The following PTPRD variants were observed in gnomAD, a reference collection of about 807,000 sequenced individuals.
PTPRD encodes protein tyrosine phosphatase receptor type D, also known as receptor-type tyrosine-protein phosphatase delta.
A neutral mutation model predicts 214.5 loss-of-function variants in PTPRD; 34 were observed. The observed-to-expected ratio is 0.16, with a 90% CI of 0.12 to 0.21. The LOEUF is 0.21. Among genes scored for constraint, PTPRD ranks in the 10% least tolerant of loss-of-function variants. The pLI, the probability that PTPRD is intolerant of heterozygous loss-of-function variation, is 1.00. For synonymous variants in PTPRD, 1,128 were observed against 845.7 expected (o/e 1.33, Z -5.79); for missense variants, 2,545 against 2,398.7 (o/e 1.06, Z -1.27).
chr9:10,594,594 G>C (rs1352737874), intron 2 of PTPRD, among the ~76,000 whole-genome samples: 1 of 152,018 alleles, frequency 6.6e-6, no homozygotes, highest in Non-Finnish European at 1.5e-5. Flanking sequence ...TGTTGTTGGA[G>C]TTTAATGGCT....
chr9:10,340,609 A>C (rs1345533030), intron 3 of PTPRD, among the ~76,000 whole-genome samples: 2 of 151,922 alleles, frequency 1.3e-5, no homozygotes, highest in African/African-American at 4.8e-5. Flanking sequence ...CTAGAGCCTT[A>C]ATTTCTTTCT....
At chr9:9,877,518 T>C (rs1159731458) in intron 5 of PTPRD, among the ~76,000 whole-genome samples, 1 of 152,130 alleles carries the variant, frequency 6.6e-6, no homozygotes, top group Non-Finnish European at 1.5e-5. Flanking sequence ...TCATGACTCC[T>C]ATGATCAAAG....
At position 10,176,742 on chromosome 9, in the gene PTPRD, G is replaced by C. The variant is rs78889210; in HGVS notation, c.-544-142952C>G. 2.4e-3 allele frequency among the ~76,000 whole-genome samples: 367 copies of C among 152,018 alleles called. 2 individuals carry two copies. The highest frequency in any genetic ancestry group is 8.7e-3 in the African/African-American group (360 of 41,516). ...GCACAGTCATCTCTATAAAAGACAA[G>C]CTCCAGTTGAGTAAACCATGTTAAG... On this transcript the variant is annotated intron_variant, in intron 3 of 45. Coordinates refer to ENST00000381196, the MANE Select transcript of PTPRD (RefSeq NM_002839.4).
chr9:8,645,419 C>G (rs1157544574), intron 12 of PTPRD, among the ~76,000 whole-genome samples: 1 of 152,198 alleles, frequency 6.6e-6, no homozygotes, highest in Non-Finnish European at 1.5e-5. Context: ...TACCTCAATA[C>G]AGTTCTTGAC....
intron 2 of PTPRD, among the ~76,000 whole-genome samples, chr9:10,422,974 T>C (rs1371074747): frequency 1.3e-5 from 2 of 152,126 alleles, no homozygotes; most frequent in Non-Finnish European, 2.9e-5. Flanking sequence ...CAAAGGATTA[T>C]AAATCATGCC....
chr9:8,906,738 T>C (rs896959727), intron 11 of PTPRD, among the ~76,000 whole-genome samples: 1 of 151,922 alleles, frequency 6.6e-6, no homozygotes, highest in African/African-American at 2.4e-5. Context: ...GTTGGGGAGC[T>C]CTCCCAACAG....
At chr9:9,107,413 A>G (rs1043206808) in intron 10 of PTPRD, among the ~76,000 whole-genome samples, 8 of 152,208 alleles carry the variant, frequency 5.3e-5, no homozygotes, top group African/African-American at 1.9e-4. Context: ...TTCATCTACC[A>G]GCCTTGTTTT....
chr9:9,022,625 C>T (rs1005453914), intron 10 of PTPRD, among the ~76,000 whole-genome samples: 6 of 152,184 alleles, frequency 3.9e-5, no homozygotes, highest in Admixed American at 6.6e-5. Context: ...ATGACAAAAT[C>T]GCCCAAGGAT....
intron 9 of PTPRD, among the ~76,000 whole-genome samples, chr9:9,336,668 TA>T (rs751475072): frequency 2.6e-5 from 4 of 152,202 alleles, no homozygotes; most frequent in Non-Finnish European, 5.9e-5. Flanking sequence ...AATATGCTAA[TA>T]TTTTTTAAAT....
At chr9:9,994,524 G>C (rs1347855999) in intron 4 of PTPRD, among the ~76,000 whole-genome samples, 1 of 151,852 alleles carries the variant, frequency 6.6e-6, no homozygotes, top group Non-Finnish European at 1.5e-5. Flanking sequence ...TGACTGTTTT[G>C]AACTCAGCTG....
intron 8 of PTPRD, among the ~76,000 whole-genome samples, chr9:9,571,651 A>G (rs1342780685): frequency 2.0e-5 from 3 of 151,004 alleles, no homozygotes; most frequent in African/African-American, 7.3e-5. Flanking sequence ...ATAGTGCTGA[A>G]TTTTCATTTC....
intron 14 of PTPRD, among the ~76,000 whole-genome samples, chr9:8,579,134 T>C (rs564783348): frequency 2.0e-4 from 31 of 152,342 alleles, no homozygotes; most frequent in Non-Finnish European, 1.8e-4. Flanking sequence ...GATATTGCTA[T>C]AGCATGGTAT....
chr9:8,489,135 A>G (rs1029023053), intron 27 of PTPRD, among the ~76,000 whole-genome samples: 4 of 152,202 alleles, frequency 2.6e-5, no homozygotes, highest in African/African-American at 9.6e-5. Flanking sequence ...TAATATTGCT[A>G]TGGTACACAT....
intron 3 of PTPRD, among the ~76,000 whole-genome samples, chr9:10,313,132 C>T (rs138326197): frequency 1.3e-5 from 2 of 151,778 alleles, no homozygotes; most frequent in Non-Finnish European, 2.9e-5. Flanking sequence ...CAGATTGGAA[C>T]AGAAATTTGA....
At chr9:9,031,438 A>G (rs929601620) in intron 10 of PTPRD, among the ~76,000 whole-genome samples, 3 of 152,046 alleles carry the variant, frequency 2.0e-5, no homozygotes, top group African/African-American at 7.2e-5. Context: ...CTCCTAGGTC[A>G]CAACGTGTAC....
rs190348751 is a variant in PTPRD, at chr9:8,831,963, C to T, written c.-103-98017G>A. Among the ~76,000 whole-genome samples the T allele has an allele frequency of 3.2e-4, 48 of 152,058 alleles. 1 individual carries two copies. The East Asian group carries it at 8.9e-3, about 28-fold the overall frequency. Reference sequence around the variant, plus strand: ...AGTTGTAATTTACTTGTATCCATTTCCTACTTTAGTAGTGTCCAGGAAAAT... The same window carrying T: ...AGTTGTAATTTACTTGTATCCATTTTCTACTTTAGTAGTGTCCAGGAAAAT... On this transcript the variant is annotated intron_variant, in intron 11 of 45. Transcript: ENST00000381196.
chr9:10,121,297 G>A (rs568831797), intron 3 of PTPRD, among the ~76,000 whole-genome samples: 43 of 151,322 alleles, frequency 2.8e-4, no homozygotes, highest in African/African-American at 9.9e-4. Context: ...AATACTGAAT[G>A]ATTCCAAAGT....
intron 3 of PTPRD, among the ~76,000 whole-genome samples, chr9:10,037,038 A>G (rs895008075): frequency 6.6e-6 from 1 of 151,916 alleles, no homozygotes; most frequent in African/African-American, 2.4e-5. Context: ...GGTATGTCCC[A>G]CCATGCCTAG....
intron 10 of PTPRD, among the ~76,000 whole-genome samples, chr9:9,072,104 T>C (rs192973): frequency 0.58 from 88,681 of 151,658 alleles, 26,800 homozygotes; most frequent in Non-Finnish European, 0.67. Context: ...AAAAATGTTT[T>C]GGCCACAGAC....
Sources: gnomAD v4.1 joint callset for allele counts (sites outside exome capture counted in the v4.1 genomes callset) on GRCh38, gnomAD v4.1.1 for gene constraint, MANE v1.5 for transcripts, NCBI Gene and HGNC (gene_info 2026-07-23, HGNC 2026-07-21) for gene names.